Variants in ASB4 observed in about 807,000 individuals in gnomAD.
The protein encoded by ASB4 is ankyrin repeat and SOCS box containing 4.
In ASB4, 35 loss-of-function variants were observed where a neutral mutation model predicts 38.6. That is an observed-to-expected ratio of 0.91 (90% CI 0.69 to 1.20). The LOEUF is 1.20. Ranked by LOEUF, ASB4 falls within the 50% of genes most tolerant of loss-of-function variation. The pLI, the probability that ASB4 is intolerant of heterozygous loss-of-function variation, is 0.00. For missense variants in ASB4, 557 were observed against 527.2 expected (o/e 1.06, Z -0.55); for synonymous variants, 195 against 201.3 (o/e 0.97, Z 0.26).
intron 3 of ASB4, among the ~76,000 whole-genome samples, chr7:95,535,548 C>A (rs904841619): frequency 6.6e-6 from 1 of 152,140 alleles, no homozygotes; most frequent in Non-Finnish European, 1.5e-5. Flanking sequence ...GATGATTAAA[C>A]TGGGAGTCAG....
intron 2 of ASB4, among the ~76,000 whole-genome samples, chr7:95,496,555 T>C (rs1008675073): frequency 7.9e-5 from 12 of 152,122 alleles, no homozygotes; most frequent in Non-Finnish European, 1.5e-5. Context: ...ATTTTAAGAA[T>C]GAAAAGGACG....
rs373343989 is a variant in ASB4, at chr7:95,492,916, T to G, written c.188-2842T>G. Among the ~76,000 whole-genome samples, 3 of 152,198 alleles carry G rather than the reference T, an allele frequency of 2.0e-5. No homozygotes were observed. The East Asian group carries it at 5.8e-4, about 29-fold the overall frequency. On this transcript the variant is annotated intron_variant, in intron 1 of 4. Coordinates refer to ENST00000325885, the MANE Select transcript of ASB4 (RefSeq NM_016116.3). ...AAAGCAAGCTGCATGACATACAGCT[T>G]AGGAACTCTGCTCGGAACAGAGATT... is the stretch of plus-strand genomic sequence containing the variant.
chr7:95,476,394 AT>A (rs1789976604), upstream of ASB4, among the ~76,000 whole-genome samples: 1 of 152,128 alleles, frequency 6.6e-6, no homozygotes, highest in South Asian at 2.1e-4. Context: ...TCTTTTTTAT[AT>A]TTAAAAAAAA....
At chr7:95,536,582 A>G (rs1163268722) in intron 4 of ASB4, 32 bp downstream of exon 4, 14 of 1,476,962 alleles carry the variant, frequency 9.5e-6, no homozygotes, top group Non-Finnish European at 1.3e-5. Flanking sequence ...AATAGTTTTC[A>G]CTATCAAGTA....
chr7:95,517,753 G>A (rs527460930), intron 2 of ASB4, among the ~76,000 whole-genome samples: 2 of 152,248 alleles, frequency 1.3e-5, no homozygotes, highest in East Asian at 1.9e-4. Context: ...GGGGACAGAG[G>A]CAAGGTTTGA....
upstream of ASB4, chr7:95,485,927 G>A (rs1212908055): frequency 6.3e-7 from 1 of 1,582,938 alleles, no homozygotes; most frequent in Non-Finnish European, 8.6e-7. Context: ...GCTCGGTGCT[G>A]TTCTCTCGAT....
At chr7:95,540,518 GTCC>G (rs1433609190), downstream of ASB4, among the ~76,000 whole-genome samples, 1 of 152,168 alleles carries the variant, frequency 6.6e-6, no homozygotes, top group Non-Finnish European at 1.5e-5. Flanking sequence ...CACCATCTCT[GTCC>G]TCCTGGGGTT....
chr7:95,482,683 G>T (rs1213928829), upstream of ASB4, among the ~76,000 whole-genome samples: 1 of 152,198 alleles, frequency 6.6e-6, no homozygotes, highest in Non-Finnish European at 1.5e-5. Context: ...GAGATCAATA[G>T]GCTTGCTGAC....
chr7:95,548,678 G>A, the ASB4 span, among the ~76,000 whole-genome samples: 3 of 152,262 alleles, frequency 2.0e-5, no homozygotes, highest in Admixed American at 6.5e-5. Flanking sequence ...TATCAAAATT[G>A]CTGCTGAAAT....
At chr7:95,492,288 T>C (rs138353428) in intron 1 of ASB4, among the ~76,000 whole-genome samples, 17 of 152,194 alleles carry the variant, frequency 1.1e-4, no homozygotes, top group Non-Finnish European at 2.2e-4. Context: ...AGGTGCTACC[T>C]GGAAGTTAGG....
rs531455252 is a variant in ASB4, at chr7:95,526,553, G to A, written c.488-1260G>A. ...ACACCGGCCCCAGCTAGTTGCACTC[G>A]TGACAACTAGCTGGTTGTACTTTTG... On this transcript the variant is annotated intron_variant, in intron 2 of 4. Coordinates refer to ENST00000325885, the MANE Select transcript of ASB4 (RefSeq NM_016116.3). Among the ~76,000 whole-genome samples, 17 of 152,208 alleles carry A rather than the reference G, an allele frequency of 1.1e-4. No individual in the cohort carries two copies. The Middle Eastern group carries it at 0.01, about 91-fold the overall frequency.
intron 2 of ASB4, among the ~76,000 whole-genome samples, chr7:95,501,287 G>A (rs921322458): frequency 1.3e-5 from 2 of 152,170 alleles, no homozygotes; most frequent in African/African-American, 4.8e-5. Flanking sequence ...TAGCATGGGG[G>A]CAATGTAAAG....
chr7:95,480,465 A>G (rs1047698767), intron 1 of ASB4, among the ~76,000 whole-genome samples: 1 of 152,222 alleles, frequency 6.6e-6, no homozygotes, highest in Non-Finnish European at 1.5e-5. Flanking sequence ...ACCATAGGAT[A>G]TGATAGAAAC....
chr7:95,513,274 T>C (rs941703538), intron 2 of ASB4, among the ~76,000 whole-genome samples: 1 of 85,330 alleles, frequency 1.2e-5, no homozygotes, highest in Non-Finnish European at 2.5e-5. Flanking sequence ...TTTTTTTTTT[T>C]AGAAATCGAG....
chr7:95,516,838 C>T (rs1215775504), intron 2 of ASB4, among the ~76,000 whole-genome samples: 1 of 152,194 alleles, frequency 6.6e-6, no homozygotes, highest in Non-Finnish European at 1.5e-5. Context: ...GTCTAAGAGG[C>T]CCTTTTCTCC....
intron 2 of ASB4, among the ~76,000 whole-genome samples, chr7:95,507,784 C>T (rs1790430182): frequency 6.6e-6 from 1 of 152,088 alleles, no homozygotes; most frequent in Admixed American, 6.6e-5. Context: ...GCTTCTTTCC[C>T]ATATGAAGAG....
Position 95,524,410 on chromosome 7 carries a change from A to T in ASB4, c.488-3403A>T, listed in dbSNP as rs186772101. On this transcript the variant is annotated intron_variant, in intron 2 of 4. Transcript: ENST00000325885. ...TGATTCCATTTATTCAAAGTTCAAA[A>T]ATTGGAAAATGGAAGGATTTTCTGG... Among the ~76,000 whole-genome samples, 11 of 152,298 alleles carry T rather than the reference A, an allele frequency of 7.2e-5. No homozygotes were observed. In the East Asian group the frequency reaches 2.1e-3, roughly 29 times the overall value.
At chr7:95,531,686 G>A (rs978564787) in intron 3 of ASB4, among the ~76,000 whole-genome samples, 22 of 152,142 alleles carry the variant, frequency 1.4e-4, no homozygotes, top group African/African-American at 5.3e-4. Context: ...ATGTGTGTGA[G>A]TCCCTGCCCA....
intron 1 of ASB4, among the ~76,000 whole-genome samples, chr7:95,491,766 G>C (rs1790174743): frequency 1.3e-5 from 2 of 152,210 alleles, no homozygotes; most frequent in African/African-American, 4.8e-5. Flanking sequence ...GGTCCTCCAT[G>C]ACAGTAAGTG....
Sources: gnomAD v4.1 joint callset for allele counts (sites outside exome capture counted in the v4.1 genomes callset) on GRCh38, gnomAD v4.1.1 for gene constraint, MANE v1.5 for transcripts, NCBI Gene and HGNC (gene_info 2026-07-23, HGNC 2026-07-21) for gene names.